TPH2: variants seen among roughly 807,000 people sequenced by gnomAD.
TPH2 encodes tryptophan 5-hydroxylase 2.
A neutral mutation model predicts 59.1 loss-of-function variants in TPH2; 27 were observed. The ratio of observed to expected loss-of-function variants is 0.46; its 90% CI spans 0.34 to 0.63. The LOEUF (loss-of-function observed/expected upper bound fraction) is 0.63, where lower values mean the gene tolerates loss of function less well. Among genes scored for constraint, TPH2 ranks in the 30% least tolerant of loss-of-function variants. The pLI, the probability that TPH2 is intolerant of heterozygous loss-of-function variation, is 0.01. For missense variants in TPH2, 523 were observed against 588.3 expected (o/e 0.89, Z 1.15); for synonymous variants, 220 against 210.5 (o/e 1.05, Z -0.39).
chr12:71,952,449 A>G (rs1365300339), intron 5 of TPH2, among the ~76,000 whole-genome samples: 1 of 152,194 alleles, frequency 6.6e-6, no homozygotes, highest in Non-Finnish European at 1.5e-5. Flanking sequence ...TGGCCAATTC[A>G]TCATTTTATA....
chr12:71,977,018 G>A (rs1172168668), intron 6 of TPH2, among the ~76,000 whole-genome samples: 1 of 152,150 alleles, frequency 6.6e-6, no homozygotes, highest in African/African-American at 2.4e-5. Flanking sequence ...CAAAGTTGCA[G>A]TTAGATAGGA....
chr12:71,953,647 A>G (rs1871413942), intron 5 of TPH2, among the ~76,000 whole-genome samples: 1 of 152,214 alleles, frequency 6.6e-6, no homozygotes, highest in African/African-American at 2.4e-5. Flanking sequence ...TAAGTGTGCA[A>G]CAACCTGATT....
chr12:71,996,645 G>A (rs543573516), intron 8 of TPH2, among the ~76,000 whole-genome samples: 3 of 152,140 alleles, frequency 2.0e-5, no homozygotes, highest in Middle Eastern at 3.4e-3. Flanking sequence ...ATACTTAATG[G>A]CCAGGCTGTG....
chr12:71,984,191 C>A (rs1872367674), intron 7 of TPH2, among the ~76,000 whole-genome samples: 1 of 152,122 alleles, frequency 6.6e-6, no homozygotes, highest in East Asian at 1.9e-4. Flanking sequence ...TTGCAGTTGA[C>A]CAGTTTAGTG....
chr12:71,945,527 GGTA>G (rs993893298), intron 4 of TPH2, among the ~76,000 whole-genome samples: 1 of 152,120 alleles, frequency 6.6e-6, no homozygotes, highest in Non-Finnish European at 1.5e-5. Context: ...GTGGTCTGCA[GGTA>G]GTAGTTTACA....
intron 2 of TPH2, among the ~76,000 whole-genome samples, chr12:71,943,959 AT>A (rs1166054433): frequency 6.6e-6 from 1 of 151,992 alleles, no homozygotes; most frequent in African/African-American, 2.4e-5. Flanking sequence ...ATAATAAATA[AT>A]TTTTTCCCCA....
At chr12:71,989,000 G>A (rs1872514290) in intron 7 of TPH2, among the ~76,000 whole-genome samples, 1 of 149,826 alleles carries the variant, frequency 6.7e-6, no homozygotes, top group African/African-American at 2.5e-5. Flanking sequence ...TAAAAGAATT[G>A]TAGTAAAGAA....
chr12:72,019,558 C>A (rs753833179), intron 8 of TPH2, among the ~76,000 whole-genome samples: 1 of 152,148 alleles, frequency 6.6e-6, no homozygotes, highest in Non-Finnish European at 1.5e-5. Flanking sequence ...CTGTCTCTGA[C>A]CCTTTTTCTA....
intron 7 of TPH2, among the ~76,000 whole-genome samples, chr12:71,990,197 G>C (rs889291308): frequency 2.0e-5 from 3 of 152,174 alleles, no homozygotes; most frequent in African/African-American, 7.2e-5. Flanking sequence ...GAGAGATCTG[G>C]TGAGATAAGG....
chr12:71,943,986 C>T (rs1871137734), intron 2 of TPH2, among the ~76,000 whole-genome samples: 1 of 151,804 alleles, frequency 6.6e-6, no homozygotes, highest in Non-Finnish European at 1.5e-5. Flanking sequence ...TCACGTGCCA[C>T]CTGTGGGATG....
At chr12:71,972,959 A>G (rs1259794708) in intron 6 of TPH2, among the ~76,000 whole-genome samples, 1 of 152,160 alleles carries the variant, frequency 6.6e-6, no homozygotes, top group African/African-American at 2.4e-5. Context: ...GTAAGGCCCA[A>G]AGGATATTTG....
intron 7 of TPH2, among the ~76,000 whole-genome samples, chr12:71,989,920 A>C (rs543717308): frequency 1.3e-5 from 2 of 150,888 alleles, no homozygotes; most frequent in South Asian, 4.2e-4. Flanking sequence ...TTAGAGCAGC[A>C]AAAGTTTAGT....
At chr12:72,027,112 T>C (rs1347291383) in intron 9 of TPH2, among the ~76,000 whole-genome samples, 3 of 151,934 alleles carry the variant, frequency 2.0e-5, no homozygotes, top group Non-Finnish European at 4.4e-5. Flanking sequence ...TGTCACAGGG[T>C]TTGCATATAG....
chr12:72,014,651 G>A (rs760834417), intron 8 of TPH2, among the ~76,000 whole-genome samples: 7 of 151,996 alleles, frequency 4.6e-5, no homozygotes, highest in Admixed American at 6.6e-5. Flanking sequence ...TTGGCCTCCC[G>A]AAGTGCTGGG....
chr12:71,980,826 C>T (rs1430375924), intron 7 of TPH2, among the ~76,000 whole-genome samples: 1 of 152,182 alleles, frequency 6.6e-6, no homozygotes, highest in African/African-American at 2.4e-5. Flanking sequence ...TAATGTGTTA[C>T]ATTTTTACCA....
chr12:72,031,405 T>C lies in TPH2; in HGVS notation c.1298+14T>C, dbSNP rs772800564. On this transcript the variant is annotated intron_variant, in intron 10 of 10. Coordinates refer to ENST00000333850, the MANE Select transcript of TPH2 (RefSeq NM_173353.4). ...AGAAAAGATGAGGTAAACTTTTTTT[T>C]CCTCCTAGCTAGAGAAAATAACTTT... The C allele has an allele frequency of 5.3e-5, 86 of 1,613,428 alleles. No homozygotes were observed. In the Middle Eastern group the frequency reaches 8.2e-4, roughly 15 times the overall value.
Position 71,976,070 on chromosome 12 carries a change from G to A in TPH2, c.806-2882G>A, listed in dbSNP as rs1322596160. On this transcript the variant is annotated intron_variant, in intron 6 of 10. Coordinates refer to ENST00000333850, the MANE Select transcript of TPH2 (RefSeq NM_173353.4). ...GGACCATAGACCCTGGATGTAGAAT[G>A]TCAGGGCTTGAGTCCCCACTCTGCC... Among the ~76,000 whole-genome samples the A allele has an allele frequency of 3.3e-5, 5 of 152,342 alleles. No homozygotes were observed. The East Asian group carries it at 7.7e-4, about 23-fold the overall frequency.
At chr12:71,951,889 G>A (rs1566117367) in intron 5 of TPH2, among the ~76,000 whole-genome samples, 1 of 152,176 alleles carries the variant, frequency 6.6e-6, no homozygotes, top group Non-Finnish European at 1.5e-5. Flanking sequence ...ACCAGGCATG[G>A]TGGTGCATGC....
intron 5 of TPH2, chr12:71,962,594 A>C: frequency 1.0e-6 from 1 of 985,342 alleles, no homozygotes; most frequent in Non-Finnish European, 1.2e-6. Flanking sequence ...ATTGAAATAT[A>C]TGAGGCAAGA....
Sources: gnomAD v4.1 joint callset for allele counts (sites outside exome capture counted in the v4.1 genomes callset) on GRCh38, gnomAD v4.1.1 for gene constraint, MANE v1.5 for transcripts, NCBI Gene and HGNC (gene_info 2026-07-23, HGNC 2026-07-21) for gene names.